The following PPP1R14C variants were observed in gnomAD, a reference collection of about 807,000 sequenced individuals.
PPP1R14C encodes the protein protein phosphatase 1 regulatory subunit 14C.
Under a neutral mutation model 20.4 loss-of-function variants are expected in PPP1R14C, and 16 were observed. The ratio of observed to expected loss-of-function variants is 0.78; its 90% CI spans 0.53 to 1.19. The LOEUF is 1.19. Among genes scored for constraint, PPP1R14C ranks in the 50% most tolerant of loss-of-function variants. The pLI is 0.00. For missense variants in PPP1R14C, 211 were observed against 220.1 expected (o/e 0.96, Z 0.26); for synonymous variants, 91 against 91.0 (o/e 1.00, Z 0.00).
At chr6:150,244,476 C>T (rs939584393) in intron 3 of PPP1R14C, among the ~76,000 whole-genome samples, 3 of 152,182 alleles carry the variant, frequency 2.0e-5, no homozygotes, top group African/African-American at 7.2e-5. Context: ...TCTATTTATA[C>T]TCTACTCAGC....
At chr6:150,222,174 G>A (rs17079447) in intron 3 of PPP1R14C, among the ~76,000 whole-genome samples, 18 of 151,456 alleles carry the variant, frequency 1.2e-4, no homozygotes, top group East Asian at 3.9e-4. Flanking sequence ...AGCAGATGCC[G>A]GGTGCTGATC....
intron 3 of PPP1R14C, among the ~76,000 whole-genome samples, chr6:150,218,484 C>CAA (rs1330651324): frequency 1.8e-4 from 21 of 118,416 alleles, no homozygotes; most frequent in African/African-American, 6.8e-4. Flanking sequence ...ACCCCCCCCC[C>CAA]CAAAAAAAAA....
intron 1 of PPP1R14C, among the ~76,000 whole-genome samples, chr6:150,167,989 T>C (rs75354918): frequency 0.025 from 90 of 3,590 alleles, no homozygotes; most frequent in East Asian, 0.11. Context: ...TCTCCTCCCC[T>C]CTTCCTCTCC....
chr6:150,172,196 A>G (rs1000929692), intron 1 of PPP1R14C, among the ~76,000 whole-genome samples: 1 of 152,168 alleles, frequency 6.6e-6, no homozygotes, highest in Admixed American at 6.5e-5. Context: ...CCCTTTGCAG[A>G]TGGGTAATTC....
In PPP1R14C at chr6:150,190,321, A is replaced by T. The variant is rs114541755; in HGVS notation, c.307-24423A>T. Among the ~76,000 whole-genome samples the T allele has an allele frequency of 2.0e-3, 304 of 151,456 alleles. 5 individuals carry two copies. In the East Asian group the frequency reaches 0.027, roughly 14 times the overall value. On this transcript the variant is annotated intron_variant, in intron 1 of 3. Coordinates refer to ENST00000361131, the MANE Select transcript of PPP1R14C (RefSeq NM_030949.3). ...AGCCCAGCCCCTGATCTTCAACCCCACTTTTCTCCACGGCACTTCCTCCCC... is the reference window on the plus strand; with the variant it reads ...AGCCCAGCCCCTGATCTTCAACCCCTCTTTTCTCCACGGCACTTCCTCCCC...
chr6:150,235,829 C>G (rs1178781623), intron 3 of PPP1R14C, among the ~76,000 whole-genome samples: 1 of 152,112 alleles, frequency 6.6e-6, no homozygotes, highest in Non-Finnish European at 1.5e-5. Context: ...AGGCTACGGG[C>G]AGAACTGGAG....
intron 1 of PPP1R14C, among the ~76,000 whole-genome samples, chr6:150,175,499 ACT>A (rs2114873708): frequency 6.6e-6 from 1 of 152,248 alleles, no homozygotes; most frequent in African/African-American, 2.4e-5. Context: ...TAAATATTTA[ACT>A]CTCTGCTCTT....
chr6:150,195,152 A>G, intron 1 of PPP1R14C: 1 of 984,794 alleles, frequency 1.0e-6, no homozygotes, highest in Non-Finnish European at 1.2e-6. Context: ...ATTTCAGAAA[A>G]TGAGTTTTAT....
intron 1 of PPP1R14C, among the ~76,000 whole-genome samples, chr6:150,167,943 G>GTTCTCCCCTTCTCTCCTCCCCTCT (rs1554218053): frequency 0.14 from 1,342 of 9,930 alleles, 432 homozygotes; most frequent in African/African-American, 0.2. Context: ...CCATGTCTCC[G>GTTCTCCCCTTCTCTCCTCCCCTCT]TTCTCCCCTT....
At chr6:150,148,381 T>C in intron 1 of PPP1R14C, among the ~76,000 whole-genome samples, 1 of 152,198 alleles carries the variant, frequency 6.6e-6, no homozygotes, top group East Asian at 1.9e-4. Flanking sequence ...AAATGGCCTG[T>C]CCTGCCTCCT....
chr6:150,155,794 G>T (rs1029574499), intron 1 of PPP1R14C, among the ~76,000 whole-genome samples: 7 of 151,942 alleles, frequency 4.6e-5, no homozygotes, highest in African/African-American at 1.7e-4. Flanking sequence ...GGAGGCTGAG[G>T]CGGGTGGATC....
In PPP1R14C at chr6:150,177,013, G is replaced by A. The variant is rs562802081; in HGVS notation, c.306+33515G>A. ...CTGGCTGCCTGTGTCCTAACTCCAC[G>A]TCCTGTTTGCTGCCTTCCCCATACC... On this transcript the variant is annotated intron_variant, in intron 1 of 3. Transcript: ENST00000361131. Among the ~76,000 whole-genome samples, 91 of 152,302 alleles carry A rather than the reference G, an allele frequency of 6.0e-4. 1 individual carries two copies. The highest frequency in any genetic ancestry group is 1.9e-3 in the African/African-American group (81 of 41,562).
intron 1 of PPP1R14C, among the ~76,000 whole-genome samples, chr6:150,172,495 A>G (rs1440256501): frequency 6.6e-6 from 1 of 152,124 alleles, no homozygotes; most frequent in East Asian, 1.9e-4. Flanking sequence ...AGAGATAGAG[A>G]GCGAGGTACA....
chr6:150,187,501 C>G (rs866710588), intron 1 of PPP1R14C, among the ~76,000 whole-genome samples: 2 of 152,052 alleles, frequency 1.3e-5, no homozygotes, highest in Middle Eastern at 3.2e-3. Flanking sequence ...CTCTGTGTGT[C>G]CATGTGTTCT....
At position 150,166,982 on chromosome 6, in the gene PPP1R14C, G is replaced by C. The variant is rs146703182; in HGVS notation, c.306+23484G>C. ...GCGGTGGCTCACGTCTGTAATCCTA[G>C]CACTTTGGGAGGCCAAGGCGGGTGA... On this transcript the variant is annotated intron_variant, in intron 1 of 3. Coordinates refer to ENST00000361131, the MANE Select transcript of PPP1R14C (RefSeq NM_030949.3). Among the ~76,000 whole-genome samples the C allele has an allele frequency of 6.5e-3, 991 of 152,262 alleles. 9 individuals carry two copies. The highest frequency in any genetic ancestry group is 0.022 in the African/African-American group (911 of 41,536).
intron 1 of PPP1R14C, among the ~76,000 whole-genome samples, chr6:150,147,849 A>G (rs1030985461): frequency 6.6e-6 from 1 of 152,168 alleles, no homozygotes; most frequent in Non-Finnish European, 1.5e-5. Context: ...CCATTTTATA[A>G]AAACTGTCTT....
intron 1 of PPP1R14C, among the ~76,000 whole-genome samples, chr6:150,183,448 A>G (rs922938038): frequency 6.6e-6 from 1 of 152,238 alleles, no homozygotes; most frequent in South Asian, 2.1e-4. Context: ...GTCGTAGTAC[A>G]GAGAAAGTTA....
intron 3 of PPP1R14C, among the ~76,000 whole-genome samples, chr6:150,234,400 A>G (rs1410746786): frequency 6.6e-6 from 1 of 151,506 alleles, no homozygotes; most frequent in Non-Finnish European, 1.5e-5. Context: ...TGGGCTCAAA[A>G]GAAACAAACA....
chr6:150,230,529 T>C (rs1018309339), intron 3 of PPP1R14C, among the ~76,000 whole-genome samples: 2 of 152,140 alleles, frequency 1.3e-5, no homozygotes, highest in East Asian at 3.8e-4. Flanking sequence ...ACCCTCTGCG[T>C]AGGGAATGGA....
Sources: gnomAD v4.1 joint callset for allele counts (sites outside exome capture counted in the v4.1 genomes callset) on GRCh38, gnomAD v4.1.1 for gene constraint, MANE v1.5 for transcripts, NCBI Gene and HGNC (gene_info 2026-07-23, HGNC 2026-07-21) for gene names.